The following HEXD variants were observed in gnomAD, a reference collection of about 807,000 sequenced individuals.
HEXD encodes the protein N-acetyl-beta-galactosaminidase.
HEXD carries 47 observed loss-of-function variants against 54.2 expected under a neutral mutation model. The observed-to-expected ratio is 0.87, with a 90% CI of 0.69 to 1.11. The LOEUF is 1.11. Among genes scored for constraint, HEXD ranks in the 50% least tolerant of loss-of-function variants. The pLI, the probability that HEXD is intolerant of heterozygous loss-of-function variation, is 0.00. For missense variants in HEXD, 576 were observed against 649.2 expected, an observed-to-expected ratio of 0.89 and a Z score of 1.23; for synonymous variants, 293 against 287.6, an observed-to-expected ratio of 1.02 and a Z score of -0.19.
intron 7 of HEXD, 92 bp from the exon 8 acceptor site, chr17:82,437,076 A>G (rs2053791362): frequency 1.4e-5 from 16 of 1,162,942 alleles, no homozygotes; most frequent in East Asian, 2.4e-5. Context: ...GGCGGCTCCC[A>G]TGTTGGCTCT....
intron 3 of HEXD, among the ~76,000 whole-genome samples, chr17:82,425,217 T>C (rs1567884298): frequency 7.3e-6 from 1 of 137,214 alleles, no homozygotes; most frequent in African/African-American, 2.8e-5. Flanking sequence ...TGGAGGAGGC[T>C]GGGCTAGAGA....
At chr17:82,439,500 G>T in intron 8 of HEXD, 131 bp from the exon 9 acceptor site, 1 of 1,456,094 alleles carries the variant, frequency 6.9e-7, no homozygotes, top group Non-Finnish European at 9.0e-7. Flanking sequence ...TGGGTTGAGG[G>T]GGTCGGGCTG....
intron 1 of HEXD, among the ~76,000 whole-genome samples, chr17:82,419,349 TA>T (rs1237519201): frequency 6.6e-6 from 1 of 152,216 alleles, no homozygotes; most frequent in Non-Finnish European, 1.5e-5. Flanking sequence ...TAATATTACC[TA>T]AAATTTGGAT....
In HEXD at chr17:82,441,769, C is replaced by T. The variant is rs77314554; in HGVS notation, c.1164-31C>T. 7,109 of 1,590,796 alleles carry T rather than the reference C, an allele frequency of 4.5e-3. 37 individuals are homozygous for T. The highest frequency in any genetic ancestry group is 4.4e-3 in the Non-Finnish European group (5,158 of 1,160,124). ...CCGCCCCACGGCTGCCTTGGTAGCC[C>T]GCGGCACACCCCTATGTGGATTTGC... On this transcript the variant is annotated intron_variant, in intron 11 of 12. Coordinates refer to ENST00000327949, the MANE Select transcript of HEXD (RefSeq NM_001330542.2).
rs1358931893 is a variant in HEXD, at chr17:82,418,606, G to A, written c.-186G>A. The A allele has an allele frequency of 2.5e-6, 1 of 403,446 alleles. No individual in the cohort carries two copies. 25.0% of individuals were successfully genotyped at this position (403,446 alleles called of 1,614,324 possible). On this transcript the variant is annotated 5_prime_UTR_variant, in exon 1 of 13. Coordinates refer to ENST00000327949, the MANE Select transcript of HEXD (RefSeq NM_001330542.2). ...GCGAGTGCGACGCGCTCGGCCATCG[G>A]CCCCTGGGCTGGCGGCCAGGCCCGA...
In HEXD at chr17:82,418,489, A is replaced by G; in HGVS notation, c.-303A>G. On this transcript the variant is annotated 5_prime_UTR_variant, in exon 1 of 13. Coordinates refer to ENST00000327949, the MANE Select transcript of HEXD (RefSeq NM_001330542.2). ...CGGCCCTCCGCTGAGGAGCCATCGG[A>G]CCAGGCCGCCGCGGAGCCGGGCCGG... 1 of 1,408,474 alleles carries G rather than the reference A, an allele frequency of 7.1e-7. No homozygotes were observed. Among genetic ancestry groups the G allele is most frequent in the South Asian group, 1.4e-5 (1 of 69,496 alleles). 87.2% of individuals were successfully genotyped at this position (1,408,474 alleles called of 1,614,324 possible). A position where few individuals can be genotyped will look rare whatever the true frequency, so the allele number is the denominator to read the frequency against.
At chr17:82,426,134 A>T (rs2053406687) in intron 3 of HEXD, 1 of 152,392 alleles carries the variant, frequency 6.6e-6, no homozygotes, top group African/African-American at 2.4e-5. Flanking sequence ...CAGAGGGGGG[A>T]CCAGCTTAAT....
At chr17:82,423,057 CA>C (rs369017189) in intron 2 of HEXD, among the ~76,000 whole-genome samples, 57 of 126,646 alleles carry the variant, frequency 4.5e-4, no homozygotes, top group Non-Finnish European at 5.9e-4. Flanking sequence ...AACTCCATCT[CA>C]AAAAAAAAAA....
At chr17:82,421,061 G>T (rs2053221525) in intron 2 of HEXD, among the ~76,000 whole-genome samples, 2 of 152,264 alleles carry the variant, frequency 1.3e-5, no homozygotes, top group South Asian at 4.1e-4. Context: ...CTCCAACAGT[G>T]CTATGACCAG....
chr17:82,442,159 T>C lies in HEXD; in HGVS notation c.1254-18T>C. ...CCCAAGTGTGCAGACTGTGCGTTCA[T>C]GGCGCCCTCACCTGCAGCCTCCTGG... On this transcript the variant is annotated intron_variant, in intron 12 of 12. Coordinates refer to ENST00000327949, the MANE Select transcript of HEXD (RefSeq NM_001330542.2). The surrounding 1 kb of genome is among the most constrained non-coding windows in gnomAD (Gnocchi z 6.8). 1.3e-6 allele frequency: 2 copies of C among 1,589,026 alleles called. No individual in the cohort carries two copies. The highest frequency in any genetic ancestry group is 8.5e-7 in the Non-Finnish European group (1 of 1,170,718).
At chr17:82,441,118 C>G (rs750886913) in intron 10 of HEXD, 43 bp downstream of exon 10, 1 of 1,613,420 alleles carries the variant, frequency 6.2e-7, no homozygotes, top group Non-Finnish European at 8.5e-7. Context: ...TTCCCCTCCC[C>G]TTCCCCCGCC....
At chr17:82,423,546 G>A (rs1303179499) in intron 2 of HEXD, 4 of 152,196 alleles carry the variant, frequency 2.6e-5, no homozygotes, top group African/African-American at 9.7e-5. Context: ...CGGGCACAGT[G>A]GCTCACACCT....
chr17:82,441,312 T>C, intron 11 of HEXD, 46 bp downstream of exon 11: 2 of 528,156 alleles, frequency 3.8e-6, no homozygotes, highest in Non-Finnish European at 5.4e-6. Context: ...GGGGCAGGCA[T>C]GGGGCGGGTG....
Position 82,442,201 on chromosome 17 carries a change from C to G in HEXD, c.1278C>G (p.Leu426=). The G allele has an allele frequency of 1.2e-6, 2 of 1,602,820 alleles. No individual in the cohort carries two copies. Among genetic ancestry groups the G allele is most frequent in the Non-Finnish European group, 1.7e-6 (2 of 1,178,896 alleles). ...GCCTCCTGGCACAGTGGAGCACCCT[C>G]GTGCAGGAGCTGGAGGCTGCCCTGC... ...ALSLLAQWST[L]VQELEAALQL... Residue 426 remains leucine (L), a synonymous_variant, in exon 13 of 13, where the codon CTC becomes CTG. Coordinates refer to ENST00000327949, the MANE Select transcript of HEXD (RefSeq NM_001330542.2). This position sits in a 1 kb window ranked among gnomAD's most constrained non-coding sequence, Gnocchi z 6.8.
chr17:82,428,491 G>T (rs1018121629), intron 3 of HEXD, 67 bp from the exon 4 acceptor site: 25 of 1,343,260 alleles, frequency 1.9e-5, no homozygotes, highest in Middle Eastern at 2.2e-4. Context: ...AGGAAGGGCT[G>T]GGGGGGTGGG....
At chr17:82,422,555 T>C (rs2053267391) in intron 2 of HEXD, among the ~76,000 whole-genome samples, 1 of 150,792 alleles carries the variant, frequency 6.6e-6, no homozygotes, top group African/African-American at 2.4e-5. Flanking sequence ...AAAAATTGCC[T>C]GTGGAGCTCA....
At chr17:82,433,128 A>ATATATATTTTTTT (rs71168109) in intron 4 of HEXD, among the ~76,000 whole-genome samples, 1 of 13,074 alleles carries the variant, frequency 7.6e-5, no homozygotes, top group East Asian at 5.2e-3. Flanking sequence ...ATATATATAT[A>ATATATATTTTTTT]TTTTTTTTTT....
Position 82,442,338 on chromosome 17 carries a change from C to A in HEXD, c.1415C>A (p.Pro472Gln), listed in dbSNP as rs201872100. ...LQDLSEVSAP[P>Q]LPPTSPGRDV... ...GACCTCAGCGAGGTGTCTGCCCCCC[C>A]GCTGCCACCCACCAGCCCTGGCAGG... is the stretch of plus-strand genomic sequence containing the variant. Residue 472 changes from proline (P) to glutamine (Q), a missense_variant, in exon 13 of 13, where the codon CCG becomes CAG. Physicochemically the swap from Pro to Gln is moderately conservative, Grantham distance 76. Transcript: ENST00000327949. The surrounding 1 kb of genome is among the most constrained non-coding windows in gnomAD (Gnocchi z 6.8). 2 of 1,610,934 alleles carry A rather than the reference C, an allele frequency of 1.2e-6. No homozygotes were observed. Among genetic ancestry groups the A allele is most frequent in the South Asian group, 2.2e-5 (2 of 91,068 alleles).
chr17:82,439,416 T>G lies in HEXD; in HGVS notation c.900-215T>G, dbSNP rs556393427. The stretch of plus-strand genomic sequence containing the variant: ...AGCAAGGAATCCCCACGCTCTTCAC[T>G]TGTCCGGTTTCTAGAACGGAGTTGA... On this transcript the variant is annotated intron_variant, in intron 8 of 12. Transcript: ENST00000327949. The G allele has an allele frequency of 5.5e-4, 537 of 985,192 alleles. 1 individual carries two copies. Among genetic ancestry groups the G allele is most frequent in the Non-Finnish European group, 6.3e-4 (520 of 829,714 alleles). 61.0% of individuals were successfully genotyped at this position (985,192 alleles called of 1,614,324 possible). A position where few individuals can be genotyped will look rare whatever the true frequency, so the allele number is the denominator to read the frequency against.
Sources: allele counts gnomAD v4.1 joint callset (sites outside exome capture counted in the v4.1 genomes callset), GRCh38; gene constraint gnomAD v4.1.1; non-coding constraint Gnocchi (gnomAD v3.1); transcripts MANE v1.5; gene names NCBI Gene and HGNC (gene_info 2026-07-23, HGNC 2026-07-21).